TLN2: variants seen among roughly 807,000 people sequenced by gnomAD.
TLN2 encodes talin-2.
TLN2 carries 118 observed loss-of-function variants against 294.7 expected under a neutral mutation model. That is an observed-to-expected ratio of 0.40 (90% CI 0.34 to 0.47). TLN2 has a LOEUF of 0.47. Among genes scored for constraint, TLN2 ranks in the 20% least tolerant of loss-of-function variants. The pLI is 0.84. For synonymous variants in TLN2, 1,431 were observed against 1,304.5 expected, an observed-to-expected ratio of 1.10 and a Z score of -2.09; for missense variants, 3,083 against 3,282.2, an observed-to-expected ratio of 0.94 and a Z score of 1.48.
chr15:62,694,236 C>G (rs1465144869), intron 13 of TLN2, 80 bp from the exon 14 acceptor site: 1 of 1,340,236 alleles, frequency 7.5e-7, no homozygotes, highest in African/African-American at 1.4e-5. Context: ...CTCAGCCTCC[C>G]AAAGTGCTGG....
intron 1 of TLN2, among the ~76,000 whole-genome samples, chr15:62,466,995 G>GT (rs2037170674): frequency 6.6e-6 from 1 of 152,210 alleles, no homozygotes; most frequent in Non-Finnish European, 1.5e-5. Flanking sequence ...TTAGCCCTCC[G>GT]TTTTGTGAGC....
chr15:62,513,582 A>G (rs1414990509), intron 1 of TLN2, among the ~76,000 whole-genome samples: 1 of 152,234 alleles, frequency 6.6e-6, no homozygotes, highest in Non-Finnish European at 1.5e-5. Flanking sequence ...TGCTAAGGGC[A>G]AGTCACTTAA....
chr15:62,441,020 A>G (rs2035518450), intron 1 of TLN2, among the ~76,000 whole-genome samples: 1 of 152,296 alleles, frequency 6.6e-6, no homozygotes, highest in South Asian at 2.1e-4. Flanking sequence ...TGCTTTATCC[A>G]TCTCCTGCTC....
At chr15:62,439,525 CT>C (rs1331964336) in intron 1 of TLN2, among the ~76,000 whole-genome samples, 1 of 152,178 alleles carries the variant, frequency 6.6e-6, no homozygotes, top group Non-Finnish European at 1.5e-5. Context: ...GTTGGCCAGG[CT>C]GGTCTCGAGC....
At chr15:62,616,523 G>A (rs531685971) in intron 2 of TLN2, among the ~76,000 whole-genome samples, 6 of 152,070 alleles carry the variant, frequency 3.9e-5, no homozygotes, top group Non-Finnish European at 7.4e-5. Flanking sequence ...CAACCTCCTC[G>A]CCTCAAGTGA....
At chr15:62,763,302 A>T in intron 39 of TLN2, 1 of 287,416 alleles carries the variant, frequency 3.5e-6, no homozygotes, top group Non-Finnish European at 6.3e-6. Flanking sequence ...CTTCCTTTGC[A>T]GTTGCCTGGT....
chr15:62,545,333 T>C (rs1027396851), intron 1 of TLN2, among the ~76,000 whole-genome samples: 1 of 152,046 alleles, frequency 6.6e-6, no homozygotes, highest in Admixed American at 6.6e-5. Flanking sequence ...CTTGTTGCAA[T>C]AACAAGGCAC....
intron 3 of TLN2, among the ~76,000 whole-genome samples, chr15:62,631,938 A>G (rs2049939266): frequency 6.6e-6 from 1 of 152,086 alleles, no homozygotes; most frequent in African/African-American, 2.4e-5. Flanking sequence ...TGATGATAAA[A>G]TCTGTCAACC....
At chr15:62,816,712 G>A (rs1020847208) in intron 52 of TLN2, among the ~76,000 whole-genome samples, 4 of 152,122 alleles carry the variant, frequency 2.6e-5, no homozygotes, top group Non-Finnish European at 4.4e-5. Flanking sequence ...ATGAGTGTCC[G>A]CACCATACCT....
chr15:62,544,358 C>CT (rs2041870988), intron 1 of TLN2, among the ~76,000 whole-genome samples: 1 of 152,180 alleles, frequency 6.6e-6, no homozygotes, highest in Non-Finnish European at 1.5e-5. Context: ...TCTCTGCCTC[C>CT]TGTGGGGCAT....
intron 1 of TLN2, among the ~76,000 whole-genome samples, chr15:62,532,130 G>C (rs1323165322): frequency 6.6e-6 from 1 of 151,198 alleles, no homozygotes; most frequent in Non-Finnish European, 1.5e-5. Context: ...GTTCACTATA[G>C]CCTTGACTTC....
intron 1 of TLN2, among the ~76,000 whole-genome samples, chr15:62,400,256 C>T (rs1566943105): frequency 2.6e-5 from 4 of 152,224 alleles, no homozygotes; most frequent in Non-Finnish European, 4.4e-5. Context: ...TGAACTGTGA[C>T]TCAATATACC....
chr15:62,709,066 A>G (rs1319662533), intron 21 of TLN2, among the ~76,000 whole-genome samples: 1 of 152,220 alleles, frequency 6.6e-6, no homozygotes, highest in East Asian at 1.9e-4. Flanking sequence ...TTGTTCTGCG[A>G]ATGCACGTGT....
intron 4 of TLN2, among the ~76,000 whole-genome samples, 189 bp downstream of exon 4, chr15:62,647,635 G>T (rs943997861): frequency 2.6e-5 from 4 of 152,182 alleles, no homozygotes; most frequent in African/African-American, 9.7e-5. Flanking sequence ...CATGCCCACT[G>T]CTGAGTCATC....
intron 37 of TLN2, among the ~76,000 whole-genome samples, chr15:62,758,354 C>T (rs538268326): frequency 3.9e-5 from 6 of 152,328 alleles, no homozygotes; most frequent in Non-Finnish European, 8.8e-5. Context: ...GGATGCACAC[C>T]CCTAACCACA....
At chr15:62,455,912 G>A (rs1421074245) in intron 1 of TLN2, among the ~76,000 whole-genome samples, 2 of 152,192 alleles carry the variant, frequency 1.3e-5, no homozygotes, top group African/African-American at 4.8e-5. Context: ...GCCAGGTGCA[G>A]GGCGTCTGGC....
At chr15:62,397,250 T>G (rs1354996345) in intron 1 of TLN2, among the ~76,000 whole-genome samples, 1 of 152,164 alleles carries the variant, frequency 6.6e-6, no homozygotes, top group African/African-American at 2.4e-5. Context: ...ACATTTTATT[T>G]TTATTTTTTA....
intron 1 of TLN2, among the ~76,000 whole-genome samples, chr15:62,474,710 G>T (rs1330090645): frequency 6.6e-6 from 1 of 152,188 alleles, no homozygotes; most frequent in African/African-American, 2.4e-5. Context: ...TGAGGCTGTT[G>T]ACGATTCCTT....
At chr15:62,682,223 G>A (rs573301116) in intron 11 of TLN2, among the ~76,000 whole-genome samples, 1 of 152,204 alleles carries the variant, frequency 6.6e-6, no homozygotes, top group Non-Finnish European at 1.5e-5. Flanking sequence ...GCATGGTTAT[G>A]TTTCTACAAA....
Sources: gnomAD v4.1 joint callset for allele counts (sites outside exome capture counted in the v4.1 genomes callset) on GRCh38, gnomAD v4.1.1 for gene constraint, MANE v1.5 for transcripts, NCBI Gene and HGNC (gene_info 2026-07-23, HGNC 2026-07-21) for gene names.